The following PPARG variants were observed in gnomAD, a reference collection of about 807,000 sequenced individuals.
The protein encoded by PPARG is peroxisome proliferator-activated receptor gamma.
In PPARG, 17 loss-of-function variants were observed where a neutral mutation model predicts 39.2. The ratio of observed to expected loss-of-function variants is 0.43; its 90% CI spans 0.30 to 0.65. The LOEUF is 0.65. Ranked by LOEUF, PPARG falls within the 30% of genes least tolerant of loss-of-function variation. The probability of loss-of-function intolerance (pLI) is 0.13; values close to 1 mark genes in which losing one functional copy is unlikely to be tolerated. For synonymous variants in PPARG, 223 were observed against 215.7 expected, an observed-to-expected ratio of 1.03 and a Z score of -0.30; for missense variants, 406 against 585.9, an observed-to-expected ratio of 0.69 and a Z score of 3.17.
intron 7 of PPARG, among the ~76,000 whole-genome samples, chr3:12,431,654 T>C (rs1440978850): frequency 1.3e-5 from 2 of 152,172 alleles, no homozygotes; most frequent in Non-Finnish European, 2.9e-5. Flanking sequence ...TAAAGAGCTC[T>C]AAGAGCTGGG....
At chr3:12,408,510 A>G (rs1184645831) in intron 6 of PPARG, among the ~76,000 whole-genome samples, 1 of 152,000 alleles carries the variant, frequency 6.6e-6, no homozygotes, top group Non-Finnish European at 1.5e-5. Flanking sequence ...GCTGAAAAGG[A>G]AAGAGCCCTA....
intron 1 of PPARG, among the ~76,000 whole-genome samples, chr3:12,294,618 G>C (rs2046731345): frequency 6.6e-6 from 1 of 152,192 alleles, no homozygotes; most frequent in African/African-American, 2.4e-5. Context: ...CATGCGGCCA[G>C]TCGCAGTGGC....
chr3:12,347,768 A>C (rs2048369548), intron 2 of PPARG, among the ~76,000 whole-genome samples: 1 of 152,208 alleles, frequency 6.6e-6, no homozygotes. Context: ...TTCTTGAATG[A>C]TACATGTGAT....
intron 2 of PPARG, among the ~76,000 whole-genome samples, chr3:12,329,324 A>G (rs371098842): frequency 4.4e-4 from 67 of 152,324 alleles, no homozygotes; most frequent in Middle Eastern, 3.4e-3. Context: ...CTGTTGATCA[A>G]TTATCTTTGA....
chr3:12,373,115 C>G (rs1246425506), intron 2 of PPARG, among the ~76,000 whole-genome samples: 1 of 152,192 alleles, frequency 6.6e-6, no homozygotes, highest in Non-Finnish European at 1.5e-5. Flanking sequence ...CCTCAACTTA[C>G]AGCTTGGCAG....
intron 1 of PPARG, among the ~76,000 whole-genome samples, chr3:12,306,973 C>G (rs1032306841): frequency 2.6e-5 from 4 of 151,864 alleles, no homozygotes; most frequent in Admixed American, 6.6e-5. Context: ...TGGTGGGCGC[C>G]TGTAGTCCCA....
chr3:12,414,326 A>G (rs1039882508), intron 6 of PPARG, among the ~76,000 whole-genome samples: 1 of 152,172 alleles, frequency 6.6e-6, no homozygotes, highest in African/African-American at 2.4e-5. Context: ...AAGAAAGCCA[A>G]TAAAGGCTAG....
At chr3:12,432,395 A>G (rs910317391) in intron 7 of PPARG, among the ~76,000 whole-genome samples, 2 of 145,348 alleles carry the variant, frequency 1.4e-5, no homozygotes, top group Admixed American at 6.7e-5. Context: ...TTCAGATATC[A>G]TAGCTCTTTA....
At chr3:12,288,542 C>G (rs1036176463), upstream of PPARG, among the ~76,000 whole-genome samples, 5 of 151,984 alleles carry the variant, frequency 3.3e-5, no homozygotes, top group African/African-American at 1.2e-4. Flanking sequence ...GTGTCTGGAC[C>G]CGGGGAAGCG....
intron 4 of PPARG, among the ~76,000 whole-genome samples, chr3:12,388,515 A>G (rs1447119362): frequency 6.6e-6 from 1 of 152,124 alleles, no homozygotes; most frequent in African/African-American, 2.4e-5. Context: ...AGGATTCTCA[A>G]TAGTGTCTGA....
chr3:12,392,632 A>C lies in PPARG; in HGVS notation c.409A>C (p.Ile137Leu). The C allele has an allele frequency of 6.2e-7, 1 of 1,613,924 alleles. No homozygotes were observed. The highest frequency in any genetic ancestry group is 8.5e-7 in the Non-Finnish European group (1 of 1,179,852). Residue 137 changes from isoleucine (I) to leucine (L), a missense_variant, in exon 5 of 8, where the codon ATC becomes CTC. By Grantham distance (5) the Ile-to-Leu change is conservative (BLOSUM62 2). Coordinates refer to ENST00000651735, the MANE Select transcript of PPARG (RefSeq NM_138711.6). ...TTTGCAGGGTTTCTTCCGGAGAACA[A>C]TCAGATTGAAGCTTATCTATGACAG... is the stretch of plus-strand genomic sequence containing the variant. ...EGCKGFFRRT[I>L]RLKLIYDRCD...
chr3:12,399,453 G>C (rs538863486), intron 5 of PPARG: 2 of 454,094 alleles, frequency 4.4e-6, no homozygotes, highest in South Asian at 3.1e-5. Flanking sequence ...CAAGCGTGGT[G>C]GTGCATGCCT....
At chr3:12,382,464 A>G (rs1401366336) in intron 4 of PPARG, among the ~76,000 whole-genome samples, 2 of 152,226 alleles carry the variant, frequency 1.3e-5, no homozygotes, top group African/African-American at 4.8e-5. Context: ...TTCACTTTAT[A>G]AAATAAATAC....
At chr3:12,356,766 C>T (rs2048678473) in intron 2 of PPARG, among the ~76,000 whole-genome samples, 1 of 152,124 alleles carries the variant, frequency 6.6e-6, no homozygotes, top group Admixed American at 6.6e-5. Context: ...TACCTTATTT[C>T]TCACCACATT....
intron 2 of PPARG, among the ~76,000 whole-genome samples, chr3:12,364,923 A>G (rs1305651572): frequency 1.3e-5 from 2 of 152,140 alleles, no homozygotes; most frequent in Non-Finnish European, 2.9e-5. Context: ...CGTTCTTTGT[A>G]TATTTTGGAT....
At chr3:12,337,626 C>G (rs1476531041) in intron 2 of PPARG, among the ~76,000 whole-genome samples, 2 of 152,154 alleles carry the variant, frequency 1.3e-5, no homozygotes, top group African/African-American at 4.8e-5. Flanking sequence ...TGCCTGAATT[C>G]ATAAACCGAG....
chr3:12,377,796 CAAT>C (rs1209378983), intron 2 of PPARG, among the ~76,000 whole-genome samples: 1 of 152,054 alleles, frequency 6.6e-6, no homozygotes, highest in Non-Finnish European at 1.5e-5. Flanking sequence ...AGGAAATAAT[CAAT>C]AAAGTGAAAA....
chr3:12,291,946 T>C (rs796195119), intron 1 of PPARG, among the ~76,000 whole-genome samples: 4 of 152,330 alleles, frequency 2.6e-5, no homozygotes, highest in African/African-American at 9.6e-5. Flanking sequence ...AGCAAACCCA[T>C]GTACTTTAAA....
chr3:12,363,108 C>G (rs1342314653), intron 2 of PPARG, among the ~76,000 whole-genome samples: 1 of 152,102 alleles, frequency 6.6e-6, no homozygotes, highest in Non-Finnish European at 1.5e-5. Context: ...GTTATAGAGA[C>G]AGGGTCTCAC....
Sources: allele counts gnomAD v4.1 joint callset (sites outside exome capture counted in the v4.1 genomes callset), GRCh38; gene constraint gnomAD v4.1.1; transcripts MANE v1.5; gene names NCBI Gene and HGNC (gene_info 2026-07-23, HGNC 2026-07-21).